CCDC32: variants seen among roughly 807,000 people sequenced by gnomAD.
CCDC32 encodes the protein coiled-coil domain containing 32.
Under a neutral mutation model 20.1 loss-of-function variants are expected in CCDC32, and 9 were observed. The observed-to-expected ratio is 0.45, with a 90% CI of 0.27 to 0.78. The LOEUF (loss-of-function observed/expected upper bound fraction) is 0.78. Ranked by LOEUF, CCDC32 falls within the 30% of genes least tolerant of loss-of-function variation. CCDC32 has a pLI of 0.16. For missense variants in CCDC32, 204 were observed against 215.5 expected (o/e 0.95, Z 0.33); for synonymous variants, 63 against 79.0 (o/e 0.80, Z 1.07).
intron 2 of CCDC32, among the ~76,000 whole-genome samples, chr15:40,561,147 T>G (rs913803953): frequency 6.6e-6 from 1 of 152,152 alleles, no homozygotes; most frequent in Non-Finnish European, 1.5e-5. Context: ...CACTTATAAG[T>G]GGGAGCTAAG....
intron 3 of CCDC32, among the ~76,000 whole-genome samples, chr15:40,556,023 C>G (rs1331166208): frequency 6.6e-6 from 1 of 152,174 alleles, no homozygotes; most frequent in African/African-American, 2.4e-5. Flanking sequence ...CTCATTTAAC[C>G]CTCATAACAA....
At chr15:40,537,000 A>G (rs1391230549), downstream of CCDC32, 1 of 152,366 alleles carries the variant, frequency 6.6e-6, no homozygotes, top group Non-Finnish European at 1.5e-5. Context: ...ATAGAGAACA[A>G]AGGCAGGTGG....
intron 3 of CCDC32, among the ~76,000 whole-genome samples, chr15:40,545,987 C>T (rs8032453): frequency 0.87 from 132,205 of 152,164 alleles, 58,004 homozygotes; most frequent in Non-Finnish European, 0.93. Context: ...TATTGTCCCA[C>T]AGCTCTTATA....
At chr15:40,548,079 C>T (rs1889696151) in intron 3 of CCDC32, among the ~76,000 whole-genome samples, 1 of 152,130 alleles carries the variant, frequency 6.6e-6, no homozygotes, top group African/African-American at 2.4e-5. Flanking sequence ...CTTCTATTTC[C>T]TCTCACTCCT....
rs747312200 is a variant in CCDC32 at position 40,557,392 on chromosome 15, T to A, written c.245-20A>T. On this transcript the variant is annotated intron_variant, in intron 2 of 3. Coordinates refer to ENST00000416810, the MANE Select transcript of CCDC32 (RefSeq NM_001080792.4). ...TCTTCTCTAGAGAGAGAAGTAGAGC[T>A]TAACAAGGAAAATGAGCATGACATG... The A allele has an allele frequency of 3.8e-6, 6 of 1,571,222 alleles. No homozygotes were observed. In the East Asian group the frequency reaches 1.4e-4, roughly 35 times the overall value.
chr15:40,539,343 G>A (rs2141608301), exon 4 of CCDC32: 1 of 1,535,586 alleles, frequency 6.5e-7, no homozygotes, highest in East Asian at 2.4e-5. Flanking sequence ...CAGGGGTTCT[G>A]GAGTTACAGG....
chr15:40,522,214 AT>A, the CCDC32 span, among the ~76,000 whole-genome samples: 3 of 152,160 alleles, frequency 2.0e-5, no homozygotes, highest in Admixed American at 6.6e-5. Flanking sequence ...TAAAAATACT[AT>A]TTTTTTCTCC....
chr15:40,545,747 A>G (rs1298462171), intron 3 of CCDC32, among the ~76,000 whole-genome samples: 1 of 152,136 alleles, frequency 6.6e-6, no homozygotes, highest in African/African-American at 2.4e-5. Context: ...ACCACCCACT[A>G]CTACCTGCTG....
At chr15:40,542,851 A>G (rs557934824) in intron 3 of CCDC32, among the ~76,000 whole-genome samples, 233 of 150,840 alleles carry the variant, frequency 1.5e-3, no homozygotes, top group South Asian at 6.1e-3. Context: ...CTTTGTCTCA[A>G]AAGAAAAAAA....
downstream of CCDC32, chr15:40,535,004 C>T: frequency 1.8e-5 from 13 of 704,252 alleles, no homozygotes; most frequent in Non-Finnish European, 2.6e-6. Flanking sequence ...TCTTCCCGAG[C>T]CCATGCCTGC....
chr15:40,535,714 C>CA (rs1889080870), downstream of CCDC32: 8 of 889,668 alleles, frequency 9.0e-6, no homozygotes, highest in Non-Finnish European at 1.1e-5. Flanking sequence ...GATTTGAGCA[C>CA]ATGTGGTTTA....
intron 2 of CCDC32, among the ~76,000 whole-genome samples, chr15:40,561,010 C>T (rs531952488): frequency 6.6e-6 from 1 of 152,212 alleles, no homozygotes; most frequent in Admixed American, 6.5e-5. Flanking sequence ...ATATATACAC[C>T]ATAGAACACT....
intron 3 of CCDC32, chr15:40,539,474 C>T (rs925040023): frequency 1.5e-5 from 13 of 865,156 alleles, no homozygotes; most frequent in Admixed American, 8.9e-5. Context: ...TGCGAAGGTG[C>T]GAGGAAGTGA....
At chr15:40,560,677 T>C (rs1167907422) in intron 2 of CCDC32, among the ~76,000 whole-genome samples, 2 of 152,178 alleles carry the variant, frequency 1.3e-5, no homozygotes, top group African/African-American at 2.4e-5. Context: ...AGCTACCACC[T>C]CACCCCAGCC....
At chr15:40,525,505 C>T (rs1894890320), downstream of CCDC32, among the ~76,000 whole-genome samples, 1 of 152,084 alleles carries the variant, frequency 6.6e-6, no homozygotes, top group Non-Finnish European at 1.5e-5. Context: ...TGTTATGTCT[C>T]CTAAATTCTG....
At chr15:40,564,730 T>A (rs760997741) in intron 1 of CCDC32, 1 of 1,614,096 alleles carries the variant, frequency 6.2e-7, no homozygotes, top group Non-Finnish European at 8.5e-7. Context: ...CAACCCGAAT[T>A]CGTCTAAAGC....
downstream of CCDC32, among the ~76,000 whole-genome samples, chr15:40,530,872 G>A (rs982267569): frequency 2.6e-5 from 4 of 151,162 alleles, no homozygotes; most frequent in Non-Finnish European, 5.9e-5. Context: ...CCACCACCCG[G>A]CTAATTTTTG....
chr15:40,531,649 C>G (rs1420225739), downstream of CCDC32: 1 of 152,116 alleles, frequency 6.6e-6, no homozygotes, highest in Non-Finnish European at 1.5e-5. Flanking sequence ...GGGTCTTGCT[C>G]TGTCACCAAG....
intron 3 of CCDC32, among the ~76,000 whole-genome samples, chr15:40,546,676 TG>T (rs1889632701): frequency 6.6e-6 from 1 of 151,226 alleles, no homozygotes; most frequent in African/African-American, 2.4e-5. Context: ...TGGATTGGGT[TG>T]TTTTCTTCTT....
Sources: allele counts gnomAD v4.1 joint callset (sites outside exome capture counted in the v4.1 genomes callset), GRCh38; gene constraint gnomAD v4.1.1; transcripts MANE v1.5; gene names NCBI Gene and HGNC (gene_info 2026-07-23, HGNC 2026-07-21).